CPED1: variants seen among roughly 807,000 people sequenced by gnomAD.
CPED1 encodes cadherin-like and PC-esterase domain-containing protein 1.
CPED1 carries 114 observed loss-of-function variants against 128.2 expected under a neutral mutation model. That is an observed-to-expected ratio of 0.89 (90% CI 0.76 to 1.04). The LOEUF is 1.04. CPED1 is among the 50% of genes least tolerant of loss of function. The probability of loss-of-function intolerance (pLI) is 0.00; values close to 1 mark genes in which losing one functional copy is unlikely to be tolerated. For missense variants in CPED1, 1,211 were observed against 1,207.1 expected (o/e 1.00, Z -0.05); for synonymous variants, 462 against 426.7 (o/e 1.08, Z -1.02).
At chr7:121,033,138 T>G (rs1792780412) in intron 3 of CPED1, among the ~76,000 whole-genome samples, 1 of 152,222 alleles carries the variant, frequency 6.6e-6, no homozygotes, top group African/African-American at 2.4e-5. Flanking sequence ...ACATTTTAAC[T>G]GAGGCCAACT....
At chr7:120,992,227 G>T (rs546260557) in intron 2 of CPED1, among the ~76,000 whole-genome samples, 1 of 152,042 alleles carries the variant, frequency 6.6e-6, no homozygotes, top group Admixed American at 6.6e-5. Flanking sequence ...TAGCTTTGAG[G>T]CATTTTATAG....
intron 3 of CPED1, among the ~76,000 whole-genome samples, chr7:121,029,003 C>T (rs1021864864): frequency 2.0e-4 from 31 of 152,158 alleles, no homozygotes; most frequent in Non-Finnish European, 3.4e-4. Context: ...ATCAGAAACA[C>T]ATACCATAAA....
intron 16 of CPED1, among the ~76,000 whole-genome samples, chr7:121,154,390 C>T (rs1796232740): frequency 6.6e-6 from 1 of 151,974 alleles, no homozygotes. Context: ...AGAGAAAAGG[C>T]CTTTAAATTT....
At chr7:121,182,696 A>T (rs1052996990) in intron 16 of CPED1, among the ~76,000 whole-genome samples, 1 of 152,088 alleles carries the variant, frequency 6.6e-6, no homozygotes, top group Non-Finnish European at 1.5e-5. Flanking sequence ...TAAGTTCTAT[A>T]GTCAGCTACC....
chr7:121,021,149 T>C (rs1161588061), intron 3 of CPED1, among the ~76,000 whole-genome samples: 2 of 151,906 alleles, frequency 1.3e-5, no homozygotes, highest in African/African-American at 4.8e-5. Context: ...CAACTCCTAA[T>C]AAGGACACTC....
intron 7 of CPED1, among the ~76,000 whole-genome samples, chr7:121,113,319 G>A (rs1297616614): frequency 1.3e-5 from 2 of 152,146 alleles, no homozygotes; most frequent in Non-Finnish European, 2.9e-5. Context: ...TCCAGTGGGG[G>A]AGAGTTATAT....
chr7:121,191,205 C>A (rs532268852), intron 16 of CPED1, among the ~76,000 whole-genome samples: 2 of 152,174 alleles, frequency 1.3e-5, no homozygotes, highest in African/African-American at 4.8e-5. Flanking sequence ...AAACCGCAAT[C>A]CAAACTCTTC....
intron 5 of CPED1, among the ~76,000 whole-genome samples, chr7:121,091,429 A>G (rs973754887): frequency 1.3e-5 from 2 of 152,214 alleles, no homozygotes; most frequent in African/African-American, 2.4e-5. Context: ...TAAGAATGCC[A>G]TAAGAGGATT....
intron 4 of CPED1, chr7:121,051,832 G>A (rs1793361270): frequency 6.4e-6 from 1 of 155,128 alleles, no homozygotes; most frequent in Non-Finnish European, 1.4e-5. Context: ...GATATTGATA[G>A]CCCCTTAAGG....
chr7:121,064,872 T>C (rs1023329334), intron 5 of CPED1, among the ~76,000 whole-genome samples: 4 of 152,314 alleles, frequency 2.6e-5, no homozygotes, highest in Non-Finnish European at 2.9e-5. Flanking sequence ...TGAACCCTCA[T>C]AGATGAAATA....
At chr7:121,173,373 A>G (rs1386183487) in intron 16 of CPED1, among the ~76,000 whole-genome samples, 1 of 151,986 alleles carries the variant, frequency 6.6e-6, no homozygotes, top group African/African-American at 2.4e-5. Flanking sequence ...TTTGTACCCG[A>G]TAGTTATCTT....
chr7:121,287,897 T>C (rs1478917512), intron 22 of CPED1, among the ~76,000 whole-genome samples: 1 of 152,218 alleles, frequency 6.6e-6, no homozygotes, highest in Non-Finnish European at 1.5e-5. Flanking sequence ...GGATCTTTTC[T>C]CTAATATATT....
intron 22 of CPED1, among the ~76,000 whole-genome samples, chr7:121,295,176 A>ACACACACACAC (rs1584661563): frequency 1.1e-5 from 1 of 90,776 alleles, no homozygotes; most frequent in South Asian, 4.2e-4. Flanking sequence ...CACACACACA[A>ACACACACACAC]AGACTAGAAG....
chr7:121,153,666 T>A (rs1416862604), intron 16 of CPED1, among the ~76,000 whole-genome samples: 1 of 152,184 alleles, frequency 6.6e-6, no homozygotes, highest in Non-Finnish European at 1.5e-5. Flanking sequence ...GAAGTCCTGG[T>A]TCCAGAGCAC....
chr7:121,264,899 C>A (rs1159237770), intron 18 of CPED1, among the ~76,000 whole-genome samples: 1 of 152,000 alleles, frequency 6.6e-6, no homozygotes, highest in South Asian at 2.1e-4. Context: ...TAGAAATTGA[C>A]CCTGACCTCA....
intron 2 of CPED1, among the ~76,000 whole-genome samples, chr7:120,990,215 T>C (rs2721361): frequency 6.6e-6 from 1 of 151,980 alleles, no homozygotes; most frequent in Non-Finnish European, 1.5e-5. Flanking sequence ...TAAATCAAAG[T>C]TTCAAAAACT....
intron 3 of CPED1, among the ~76,000 whole-genome samples, chr7:121,030,028 T>C (rs984562439): frequency 1.3e-5 from 2 of 152,176 alleles, no homozygotes; most frequent in East Asian, 1.9e-4. Context: ...TATGGTGGAA[T>C]AGTCAATCAA....
chr7:121,122,841 A>G (rs1410954391), intron 7 of CPED1, among the ~76,000 whole-genome samples: 1 of 152,242 alleles, frequency 6.6e-6, no homozygotes, highest in African/African-American at 2.4e-5. Context: ...TTTGCTAATT[A>G]TTCTTCCTCA....
intron 16 of CPED1, among the ~76,000 whole-genome samples, chr7:121,202,926 A>G (rs1338904853): frequency 6.6e-6 from 1 of 152,110 alleles, no homozygotes; most frequent in Non-Finnish European, 1.5e-5. Context: ...GTGAGTTTTC[A>G]AAACATGTGG....
Sources: allele counts gnomAD v4.1 joint callset (sites outside exome capture counted in the v4.1 genomes callset), GRCh38; gene constraint gnomAD v4.1.1; transcripts MANE v1.5; gene names NCBI Gene and HGNC (gene_info 2026-07-23, HGNC 2026-07-21).